The following SSTR2 variants were observed in gnomAD, a reference collection of about 807,000 sequenced individuals.
The protein encoded by SSTR2 is somatostatin receptor 2.
In SSTR2, 10 loss-of-function variants were observed where a neutral mutation model predicts 21.4. The ratio of observed to expected loss-of-function variants is 0.47; its 90% CI spans 0.29 to 0.79. SSTR2 has a LOEUF of 0.79. SSTR2 is among the 30% of genes least tolerant of loss of function. SSTR2 has a pLI of 0.10. For synonymous variants in SSTR2, 177 were observed against 181.3 expected (o/e 0.98, Z 0.19); for missense variants, 364 against 468.8 (o/e 0.78, Z 2.06).
intron 1 of SSTR2, among the ~76,000 whole-genome samples, chr17:73,165,672 GC>G (rs1392002640): frequency 6.6e-6 from 1 of 151,926 alleles, no homozygotes; most frequent in Non-Finnish European, 1.5e-5. Flanking sequence ...GGGGAGCGAG[GC>G]CGTGAGATGC....
chr17:73,170,360 A>C lies in SSTR2; in HGVS notation c.1041A>C (p.Lys347Asn). 6.2e-7 allele frequency: 1 copy of C among 1,614,006 alleles called. No individual in the cohort carries two copies. Among genetic ancestry groups the C allele is most frequent in the Non-Finnish European group, 8.5e-7 (1 of 1,180,006 alleles). ...AGCGGAGTGACAGTAAGCAGGACAA[A>C]TCCCGGCTGAATGAGACCACGGAGA... is the stretch of plus-strand genomic sequence containing the variant. ...DGERSDSKQD[K>N]SRLNETTETQ... Residue 347 changes from lysine to asparagine, a missense_variant, in exon 2 of 2, where the codon AAA becomes AAC. Lys to Asn is a moderately conservative substitution (Grantham distance 94, BLOSUM62 0). This residue lies in a region of SSTR2 where 71 missense variants were observed against 53.8 expected (regional missense o/e 1.32). Transcript: ENST00000357585.
At position 73,165,295 on chromosome 17, in the gene SSTR2, G is replaced by GGGGTGTGT. The variant is rs1285243982; in HGVS notation, c.-93+8_-93+9insGGTGTGTG. ...TTGCAGCGGAAAAGCAAAGGTGAGGGGTGTGTGTGTGTGTGTGTGTGTGTG... is the reference window on the plus strand; with the variant it reads ...TTGCAGCGGAAAAGCAAAGGTGAGGGGGGTGTGTGTGTGTGTGTGTGTGTGTGTGTGTG... On this transcript the variant is annotated splice_region_variant and intron_variant, in intron 1 of 1. Coordinates refer to ENST00000357585, the MANE Select transcript of SSTR2 (RefSeq NM_001050.3). 3 of 132,346 alleles carry GGGGTGTGT rather than the reference G, an allele frequency of 2.3e-5. No homozygotes were observed. Among genetic ancestry groups the GGGGTGTGT allele is most frequent in the African/African-American group, 8.2e-5 (3 of 36,516 alleles). 8.2% of individuals were successfully genotyped at this position (132,346 alleles called of 1,614,324 possible). A position where few individuals can be genotyped will look rare whatever the true frequency, so the allele number is the denominator to read the frequency against.
In SSTR2 at chr17:73,170,051, C is replaced by G. The variant is rs779529162; in HGVS notation, c.732C>G (p.Ser244=). Residue 244 remains serine (S), a synonymous_variant, in exon 2 of 2, where the codon TCC becomes TCG. Transcript: ENST00000357585. The part of the protein sequence containing the change: ...KVKSSGIRVG[S]SKRKKSEKKV... ...AGTCCTCTGGAATCCGAGTGGGCTC[C>G]TCTAAGAGGAAGAAGTCTGAGAAGA... 1.2e-6 allele frequency: 2 copies of G among 1,614,152 alleles called. No homozygotes were observed. The highest frequency in any genetic ancestry group is 1.7e-6 in the Non-Finnish European group (2 of 1,180,028).
At chr17:73,165,335 TGA>T (rs2061212494) in intron 1 of SSTR2, 47 bp downstream of exon 1, 1 of 141,534 alleles carries the variant, frequency 7.1e-6, no homozygotes, top group Non-Finnish European at 1.5e-5. Context: ...TGTGTGTGTG[TGA>T]TAAGAGAGAT....
rs919657359 is a variant in SSTR2 at position 73,173,621 on chromosome 17, A to T, written c.*3192A>T. 6.6e-6 allele frequency: 1 copy of T among 152,246 alleles called. No homozygotes were observed. The highest frequency in any genetic ancestry group is 2.4e-5 in the African/African-American group (1 of 41,466). 9.4% of individuals were successfully genotyped at this position (152,246 alleles called of 1,614,324 possible). A position where few individuals can be genotyped will look rare whatever the true frequency, so the allele number is the denominator to read the frequency against. ...TGCTGGGTGCTGGGAGGGAATAAAAAGTAATGCACCCCATTGATTTCAGAG... is the reference window on the plus strand; with the variant it reads ...TGCTGGGTGCTGGGAGGGAATAAAATGTAATGCACCCCATTGATTTCAGAG... On this transcript the variant is annotated 3_prime_UTR_variant, in exon 2 of 2. Coordinates refer to ENST00000357585, the MANE Select transcript of SSTR2 (RefSeq NM_001050.3).
Position 73,170,006 on chromosome 17 carries a change from GTTCA to G in SSTR2, c.690_693del (p.Phe230LeufsTer5), listed in dbSNP as rs2061228676. The G allele has an allele frequency of 6.2e-7, 1 of 1,613,224 alleles. No individual in the cohort carries two copies. The highest frequency in any genetic ancestry group is 1.1e-5 in the South Asian group (1 of 91,064). ...TCACCATCATCTGTCTTTGCTACCT[GTTCA>G]TTATCATCAAGGTGAAGTCCTCTGG... On this transcript the variant is annotated frameshift_variant, in exon 2 of 2. Coordinates refer to ENST00000357585, the MANE Select transcript of SSTR2 (RefSeq NM_001050.3). LOFTEE classifies it high-confidence loss of function.
At position 73,173,172 on chromosome 17, in the gene SSTR2, C is replaced by G. The variant is rs1195113250; in HGVS notation, c.*2743C>G. 6.6e-6 allele frequency: 1 copy of G among 152,142 alleles called. No individual in the cohort carries two copies. The highest frequency in any genetic ancestry group is 1.5e-5 in the Non-Finnish European group (1 of 68,256). The allele number at this position is 152,142 out of a possible 1,614,324, so 9.4% of individuals were successfully genotyped here. ...TGAGCTGAGATCGTGCCATTGCACT[C>G]CAGCCTGGGCAACAAGAGCGAAACT... On this transcript the variant is annotated 3_prime_UTR_variant, in exon 2 of 2. Transcript: ENST00000357585.
Position 73,169,408 on chromosome 17 carries a change from C to T in SSTR2, c.89C>T (p.Thr30Ile). The change falls in exon 2 of 2, where the codon ACC (threonine) becomes ATC (isoleucine). Residue 30 changes from threonine (T) to isoleucine (I), a missense_variant. By Grantham distance (89) the Thr-to-Ile change is moderately conservative. Transcript: ENST00000357585. This position sits in a 1 kb window ranked among gnomAD's most constrained non-coding sequence, Gnocchi z 5.2. ...DLNGSVVSTN[T>I]SNQTEPYYDL... The stretch of plus-strand genomic sequence containing the variant: ...AATGGCTCTGTGGTGTCAACCAACA[C>T]CTCAAACCAGACAGAGCCGTACTAT... The T allele has an allele frequency of 1.2e-6, 2 of 1,614,244 alleles. No homozygotes were observed. Among genetic ancestry groups the T allele is most frequent in the Non-Finnish European group, 1.7e-6 (2 of 1,180,038 alleles).
Position 73,170,287 on chromosome 17 carries a change from TC to T in SSTR2, c.970del (p.Gln324ArgfsTer9). ...AFLSDNFKKS[F>X]QNVLCLVKVS... The stretch of plus-strand genomic sequence containing the variant: ...TTGTCTGACAACTTCAAGAAGAGCT[TC>T]CAGAATGTCCTCTGCTTGGTCAAGG... On this transcript the variant is annotated frameshift_variant, in exon 2 of 2. Transcript: ENST00000357585. LOFTEE classifies it high-confidence loss of function. 1 of 1,613,960 alleles carries T rather than the reference TC, an allele frequency of 6.2e-7. No homozygotes were observed. The highest frequency in any genetic ancestry group is 8.5e-7 in the Non-Finnish European group (1 of 1,180,006).
chr17:73,170,804 AT>A lies in SSTR2; in HGVS notation c.*378del. ...TTTATATGTATACTTGTATATTCCT[AT>A]TTATTCTCTGTATAGGCATTACCTA... On this transcript the variant is annotated 3_prime_UTR_variant, in exon 2 of 2. Transcript: ENST00000357585. 1 of 466,842 alleles carries A rather than the reference AT, an allele frequency of 2.1e-6. No individual in the cohort carries two copies. Among genetic ancestry groups the A allele is most frequent in the Non-Finnish European group, 4.4e-6 (1 of 227,738 alleles). 28.9% of individuals were successfully genotyped at this position (466,842 alleles called of 1,614,324 possible).
chr17:73,168,115 A>C (rs921678876), intron 1 of SSTR2: 1 of 152,200 alleles, frequency 6.6e-6, no homozygotes, highest in African/African-American at 2.4e-5. Flanking sequence ...AGCTCCACCA[A>C]TTATGTGCAA....
rs376335090 is a variant in SSTR2 at position 73,169,769 on chromosome 17, G to A, written c.450G>A (p.Ser150=). ...TGGCTGTGGTCCACCCCATCAAGTC[G>A]GCCAAGTGGAGGAGACCCCGGACGG... ...RYLAVVHPIK[S]AKWRRPRTAK... The change falls in exon 2 of 2, where the codon TCG becomes TCA. Residue 150 remains serine, a synonymous_variant. Coordinates refer to ENST00000357585, the MANE Select transcript of SSTR2 (RefSeq NM_001050.3). This position sits in a 1 kb window ranked among gnomAD's most constrained non-coding sequence, Gnocchi z 5.2. The A allele has an allele frequency of 1.6e-5, 26 of 1,614,046 alleles. No individual in the cohort carries two copies. Among genetic ancestry groups the A allele is most frequent in the Middle Eastern group, 1.6e-4 (1 of 6,084 alleles).
rs2145069202 is a variant in SSTR2 at position 73,169,783 on chromosome 17, G to A, written c.464G>A (p.Arg155Lys). 6.2e-7 allele frequency: 1 copy of A among 1,614,214 alleles called. No homozygotes were observed. Among genetic ancestry groups the A allele is most frequent in the East Asian group, 2.2e-5 (1 of 44,872 alleles). The stretch of plus-strand genomic sequence containing the variant: ...CCCATCAAGTCGGCCAAGTGGAGGA[G>A]ACCCCGGACGGCCAAGATGATCACC... ...VHPIKSAKWRRPRTAKMITMA... is the reference protein window; with the variant it reads ...VHPIKSAKWRKPRTAKMITMA... The change falls in exon 2 of 2, where the codon AGA becomes AAA. Residue 155 changes from arginine to lysine, a missense_variant. Transcript: ENST00000357585. The surrounding 1 kb of genome is among the most constrained non-coding windows in gnomAD (Gnocchi z 5.2).
At position 73,170,324 on chromosome 17, in the gene SSTR2, A is replaced by G. The variant is rs1247716829; in HGVS notation, c.1005A>G (p.Thr335=). 1 of 1,613,956 alleles carries G rather than the reference A, an allele frequency of 6.2e-7. No homozygotes were observed. The highest frequency in any genetic ancestry group is 1.7e-5 in the Admixed American group (1 of 59,990). The part of the protein sequence containing the change: ...NVLCLVKVSG[T]DDGERSDSKQ... ...TCTGCTTGGTCAAGGTGAGCGGCAC[A>G]GATGATGGGGAGCGGAGTGACAGTA... Residue 335 remains threonine (T), a synonymous_variant, in exon 2 of 2, where the codon ACA becomes ACG. Coordinates refer to ENST00000357585, the MANE Select transcript of SSTR2 (RefSeq NM_001050.3).
intron 1 of SSTR2, among the ~76,000 whole-genome samples, chr17:73,165,746 G>T (rs959349966): frequency 6.6e-6 from 1 of 151,670 alleles, no homozygotes; most frequent in Non-Finnish European, 1.5e-5. Context: ...GGCGGCGGGC[G>T]CAGAGCGGAG....
At position 73,174,969 on chromosome 17, in the gene SSTR2, G is replaced by A. The variant is rs1169335250; in HGVS notation, c.*4540G>A. ...ACGTAATTTGGATTGTAAAATTCTT[G>A]CTTTAATAAAAATTCTTTAAACAGT... On this transcript the variant is annotated 3_prime_UTR_variant, in exon 2 of 2. Transcript: ENST00000357585. 6.6e-6 allele frequency: 1 copy of A among 152,504 alleles called. No homozygotes were observed. The highest frequency in any genetic ancestry group is 1.5e-5 in the Non-Finnish European group (1 of 68,014). The allele number at this position is 152,504 out of a possible 1,614,324, so 9.4% of individuals were successfully genotyped here. A position where few individuals can be genotyped will look rare whatever the true frequency, so the allele number is the denominator to read the frequency against.
rs1181373117 is a variant in SSTR2, at chr17:73,169,549, T to C, written c.230T>C (p.Ile77Thr). 6.2e-7 allele frequency: 1 copy of C among 1,614,258 alleles called. No individual in the cohort carries two copies. The highest frequency in any genetic ancestry group is 8.5e-7 in the Non-Finnish European group (1 of 1,180,044). Reference sequence around the variant, plus strand: ...CTCCGCTATGCCAAGATGAAGACCATCACCAACATTTACATCCTCAACCTG... The same window carrying C: ...CTCCGCTATGCCAAGATGAAGACCACCACCAACATTTACATCCTCAACCTG... ...VILRYAKMKT[I>T]TNIYILNLAI... The change falls in exon 2 of 2, where the codon ATC (isoleucine) becomes ACC (threonine). Residue 77 changes from isoleucine (I) to threonine (T), a missense_variant. Transcript: ENST00000357585. This position sits in a 1 kb window ranked among gnomAD's most constrained non-coding sequence, Gnocchi z 5.2.
intron 1 of SSTR2, among the ~76,000 whole-genome samples, chr17:73,168,384 C>T (rs765909989): frequency 6.6e-6 from 1 of 152,180 alleles, no homozygotes; most frequent in Non-Finnish European, 1.5e-5. Flanking sequence ...GCAGCATCCC[C>T]TTAGGGACTT....
In SSTR2 at chr17:73,176,299, G is replaced by A. The variant is rs1454908558; in HGVS notation, c.*5870G>A. On this transcript the variant is annotated 3_prime_UTR_variant, in exon 2 of 2. Transcript: ENST00000357585. The stretch of plus-strand genomic sequence containing the variant: ...AACAAGAAAGCTAAATGGTTCTCGT[G>A]TAACATAACTGATATAGTTTGGCTG... 1.3e-5 allele frequency: 2 copies of A among 152,204 alleles called. No individual in the cohort carries two copies. Among genetic ancestry groups the A allele is most frequent in the Admixed American group, 1.3e-4 (2 of 15,282 alleles). The allele number at this position is 152,204 out of a possible 1,614,324, so 9.4% of individuals were successfully genotyped here.
Sources: gnomAD v4.1 joint callset for allele counts (sites outside exome capture counted in the v4.1 genomes callset) on GRCh38, gnomAD v4.1.1 for gene constraint, gnomAD v4.1.1 regional missense constraint, Gnocchi (gnomAD v3.1) non-coding constraint, MANE v1.5 for transcripts, NCBI Gene and HGNC (gene_info 2026-07-23, HGNC 2026-07-21) for gene names.